The following RBFOX1 variants were observed in gnomAD, a reference collection of about 807,000 sequenced individuals.
RBFOX1 encodes the protein RNA binding protein fox-1 homolog 1.
RBFOX1 carries 8 observed loss-of-function variants against 57.7 expected under a neutral mutation model. The ratio of observed to expected loss-of-function variants is 0.14; its 90% CI spans 0.08 to 0.25. The LOEUF is 0.25. Among genes scored for constraint, RBFOX1 ranks in the 10% least tolerant of loss-of-function variants. RBFOX1 has a pLI of 1.00. For missense variants in RBFOX1, 611 were observed against 548.5 expected, an observed-to-expected ratio of 1.11 and a Z score of -1.14; for synonymous variants, 326 against 222.4, an observed-to-expected ratio of 1.47 and a Z score of -4.15.
intron 14 of RBFOX1, among the ~76,000 whole-genome samples, chr16:7,706,203 A>G (rs989677694): frequency 6.6e-6 from 1 of 152,168 alleles, no homozygotes; most frequent in Non-Finnish European, 1.5e-5. Context: ...TTAGCATTTG[A>G]AAAGAAGCCT....
intron 1 of RBFOX1, among the ~76,000 whole-genome samples, chr16:5,343,991 G>A (rs2065088442): frequency 6.6e-6 from 1 of 152,124 alleles, no homozygotes; most frequent in Non-Finnish European, 1.5e-5. Flanking sequence ...ACTTTCTTTG[G>A]GTCTGAGCTG....
At chr16:7,208,491 AT>A (rs2090447777) in intron 4 of RBFOX1, among the ~76,000 whole-genome samples, 1 of 152,062 alleles carries the variant, frequency 6.6e-6, no homozygotes, top group South Asian at 2.1e-4. Context: ...GCAGAGATAC[AT>A]AGTGGGAGGG....
chr16:5,733,057 C>T (rs937948613), intron 3 of RBFOX1, among the ~76,000 whole-genome samples: 1 of 152,188 alleles, frequency 6.6e-6, no homozygotes, highest in African/African-American at 2.4e-5. Flanking sequence ...ACAGGGGGTA[C>T]ATCTTACTGT....
chr16:6,504,425 C>T (rs1598409008), intron 2 of RBFOX1, among the ~76,000 whole-genome samples: 1 of 152,110 alleles, frequency 6.6e-6, no homozygotes, highest in African/African-American at 2.4e-5. Context: ...GTATGCTTCA[C>T]CATTGGTTTA....
intron 3 of RBFOX1, among the ~76,000 whole-genome samples, chr16:5,801,315 A>G (rs200621774): frequency 1.8e-4 from 11 of 61,052 alleles, no homozygotes; most frequent in East Asian, 5.4e-4. Context: ...TAAAGTCTCT[A>G]TCTGCCTCTC....
At chr16:6,059,100 T>A (rs973928840) in intron 1 of RBFOX1, 1 of 152,212 alleles carries the variant, frequency 6.6e-6, no homozygotes, top group Non-Finnish European at 1.5e-5. Context: ...CCTGTGACAG[T>A]CATAATTTGC....
intron 3 of RBFOX1, among the ~76,000 whole-genome samples, chr16:6,701,706 G>T (rs917798083): frequency 6.6e-6 from 1 of 152,120 alleles, no homozygotes; most frequent in African/African-American, 2.4e-5. Context: ...CAACCTGAAT[G>T]CCCATCAGCA....
In RBFOX1 at chr16:7,386,490, C is replaced by T. The variant is rs1239872331; in HGVS notation, c.28-131657C>T. The stretch of plus-strand genomic sequence containing the variant: ...AACATGTGGCGTTTGATTTTCTGTT[C>T]TTGTGTTAGTTTGATGAGAATGATG... On this transcript the variant is annotated intron_variant, in intron 4 of 15. Coordinates refer to ENST00000550418, the MANE Select transcript of RBFOX1 (RefSeq NM_018723.4). Among the ~76,000 whole-genome samples the T allele has an allele frequency of 5.5e-5, 8 of 146,606 alleles. No individual in the cohort carries two copies. In the East Asian group the frequency reaches 1.5e-3, roughly 27 times the overall value.
intron 4 of RBFOX1, among the ~76,000 whole-genome samples, chr16:5,879,469 A>G (rs13337597): frequency 0.026 from 3,884 of 152,232 alleles, 180 homozygotes; most frequent in African/African-American, 0.089. Flanking sequence ...AACCGGGACT[A>G]CAGGTGTGTG....
chr16:6,563,176 C>T (rs1270128104), intron 2 of RBFOX1, among the ~76,000 whole-genome samples: 1 of 152,112 alleles, frequency 6.6e-6, no homozygotes, highest in Non-Finnish European at 1.5e-5. Flanking sequence ...CTTTGTGACT[C>T]TGTCTCTCTG....
At chr16:7,459,934 A>G (rs1041443673) in intron 4 of RBFOX1, among the ~76,000 whole-genome samples, 10 of 152,138 alleles carry the variant, frequency 6.6e-5, no homozygotes, top group African/African-American at 2.4e-4. Context: ...TTATGTTTTA[A>G]TAGTTTATTG....
chr16:5,522,468 A>G (rs527978839), intron 2 of RBFOX1, among the ~76,000 whole-genome samples: 64 of 152,346 alleles, frequency 4.2e-4, no homozygotes, highest in Non-Finnish European at 6.0e-4. Flanking sequence ...CATTACATGC[A>G]TAGGATGTAC....
chr16:6,569,890 C>T (rs1380183958), intron 2 of RBFOX1, among the ~76,000 whole-genome samples: 1 of 152,156 alleles, frequency 6.6e-6, no homozygotes, highest in African/African-American at 2.4e-5. Context: ...CAATTTTAAT[C>T]CCCTAATGTG....
chr16:7,455,111 A>T (rs1293489274), intron 4 of RBFOX1, among the ~76,000 whole-genome samples: 1 of 152,232 alleles, frequency 6.6e-6, no homozygotes, highest in Admixed American at 6.5e-5. Flanking sequence ...ATTTTCTGCC[A>T]TCTTGAAGCC....
At position 5,613,575 on chromosome 16, in the gene RBFOX1, G is replaced by A. The variant is rs2047903952; in HGVS notation, c.318+14614G>A. Among the ~76,000 whole-genome samples the A allele has an allele frequency of 6.6e-5, 10 of 152,272 alleles. No individual in the cohort carries two copies. In the South Asian group the frequency reaches 2.1e-3, roughly 32 times the overall value. ...TTTCCTTTCTCATTATCTGTGAGCT[G>A]ATAAAGACGCCAGCATGTCAAGTTC... On this transcript the variant is annotated intron_variant, in intron 3 of 19. Coordinates refer to the RBFOX1 transcript ENST00000641259.
At chr16:7,382,507 T>C (rs2097796562) in intron 4 of RBFOX1, among the ~76,000 whole-genome samples, 1 of 152,224 alleles carries the variant, frequency 6.6e-6, no homozygotes, top group African/African-American at 2.4e-5. Context: ...ACTGACAGTG[T>C]TACAAAGATA....
At chr16:6,820,675 A>AAAC (rs1567401963) in intron 3 of RBFOX1, among the ~76,000 whole-genome samples, 1 of 151,590 alleles carries the variant, frequency 6.6e-6, no homozygotes, top group African/African-American at 2.4e-5. Flanking sequence ...AAAAACAAGC[A>AAAC]AAACAAACAA....
chr16:7,249,047 G>T (rs1264755240), intron 4 of RBFOX1, among the ~76,000 whole-genome samples: 1 of 152,066 alleles, frequency 6.6e-6, no homozygotes, highest in Non-Finnish European at 1.5e-5. Flanking sequence ...GCATAATAGA[G>T]GGAGGGAAAA....
At chr16:6,203,425 C>T (rs1284657057) in intron 1 of RBFOX1, among the ~76,000 whole-genome samples, 1 of 152,166 alleles carries the variant, frequency 6.6e-6, no homozygotes, top group Non-Finnish European at 1.5e-5. Context: ...AAAGGATTTA[C>T]TTCCTTTTTA....
Sources: allele counts gnomAD v4.1 joint callset (sites outside exome capture counted in the v4.1 genomes callset), GRCh38; gene constraint gnomAD v4.1.1; transcripts MANE v1.5; gene names NCBI Gene and HGNC (gene_info 2026-07-23, HGNC 2026-07-21).